Variants in BPTF observed in about 807,000 individuals in gnomAD.
BPTF encodes bromodomain PHD finger transcription factor.
BPTF carries 18 observed loss-of-function variants against 292.5 expected under a neutral mutation model. The ratio of observed to expected loss-of-function variants is 0.06; its 90% CI spans 0.04 to 0.09. The LOEUF is 0.09. Among genes scored for constraint, BPTF ranks in the 10% least tolerant of loss-of-function variants. BPTF has a pLI of 1.00. For missense variants in BPTF, 2,726 were observed against 3,498.7 expected, an observed-to-expected ratio of 0.78 and a Z score of 5.57; for synonymous variants, 1,225 against 1,251.9, an observed-to-expected ratio of 0.98 and a Z score of 0.45.
intron 4 of BPTF, among the ~76,000 whole-genome samples, chr17:67,882,295 T>C (rs535165514): frequency 3.5e-4 from 54 of 152,354 alleles, no homozygotes; most frequent in African/African-American, 1.2e-3. Flanking sequence ...CTTTTTGTTG[T>C]TGGGCTCTCA....
At chr17:67,852,117 CTCTT>C (rs1209584610) in intron 1 of BPTF, among the ~76,000 whole-genome samples, 2 of 152,134 alleles carry the variant, frequency 1.3e-5, no homozygotes, top group Admixed American at 6.6e-5. Flanking sequence ...ATGTCGTTCT[CTCTT>C]TAAACACTGT....
chr17:67,899,660 A>G lies in BPTF; in HGVS notation c.2544-4129A>G, dbSNP rs374303635. Among the ~76,000 whole-genome samples, 46 of 151,022 alleles carry G rather than the reference A, an allele frequency of 3.0e-4. No individual in the cohort carries two copies. The East Asian group carries it at 3.5e-3, about 12-fold the overall frequency. ...ATTCTCCTGCCTCAGCCTCCTGAAT[A>G]GCTGGTATTATAGGCGTGTGCCACC... On this transcript the variant is annotated intron_variant, in intron 7 of 27. Transcript: ENST00000306378.
chr17:67,877,013 CTCT>C (rs899432521), intron 4 of BPTF, among the ~76,000 whole-genome samples: 3 of 152,094 alleles, frequency 2.0e-5, no homozygotes, highest in Non-Finnish European at 4.4e-5. Flanking sequence ...ACTCATAGTT[CTCT>C]TCTTGAGTAG....
At chr17:67,902,777 C>G (rs2061933979) in intron 7 of BPTF, among the ~76,000 whole-genome samples, 1 of 152,164 alleles carries the variant, frequency 6.6e-6, no homozygotes, top group Non-Finnish European at 1.5e-5. Context: ...CCTCCCACAT[C>G]TTTTCGGCAT....
At position 67,951,710 on chromosome 17, in the gene BPTF, T is replaced by A. The variant is rs145781408; in HGVS notation, c.7926+3404T>A. On this transcript the variant is annotated intron_variant, in intron 23 of 27. Transcript: ENST00000306378. ...TATTACTTTAATGTATGTATTCATA[T>A]ATAAACCTGTTTTATACAGAAACAA... 378 of 152,278 alleles carry A rather than the reference T, an allele frequency of 2.5e-3. 1 individual carries two copies. Among genetic ancestry groups the A allele is most frequent in the African/African-American group, 8.6e-3 (359 of 41,556 alleles). 9.4% of individuals were successfully genotyped at this position (152,278 alleles called of 1,614,324 possible).
At position 67,929,434 on chromosome 17, in the gene BPTF, G is replaced by A. The variant is rs552584367; in HGVS notation, c.6097G>A (p.Val2033Ile). ...FTSFQPRTAT[V>I]TIRPNTSGSG... The stretch of plus-strand genomic sequence containing the variant: ...TTCATTCCAGCCCAGGACAGCAACA[G>A]TCACAATTAGGCCCAATACCTCAGG... The change falls in exon 17 of 28, where the codon GTC becomes ATC. Residue 2033 changes from valine (V) to isoleucine (I), a missense_variant. By Grantham distance (29) the Val-to-Ile change is conservative. Transcript: ENST00000306378. 6.2e-7 allele frequency: 1 copy of A among 1,614,132 alleles called. No homozygotes were observed. Among genetic ancestry groups the A allele is most frequent in the South Asian group, 1.1e-5 (1 of 91,086 alleles).
intron 17 of BPTF, among the ~76,000 whole-genome samples, chr17:67,931,447 C>A (rs1464743034): frequency 6.6e-6 from 1 of 152,050 alleles, no homozygotes; most frequent in Non-Finnish European, 1.5e-5. Context: ...TGCATTCCAT[C>A]TTGGGCAACA....
intron 1 of BPTF, among the ~76,000 whole-genome samples, chr17:67,830,708 T>G (rs1016179408): frequency 1.3e-5 from 2 of 152,112 alleles, no homozygotes; most frequent in African/African-American, 4.8e-5. Context: ...GTAACTCGGT[T>G]TAGCAAGAGC....
At chr17:67,886,373 T>G in intron 4 of BPTF, 1 of 1,289,752 alleles carries the variant, frequency 7.8e-7, no homozygotes, top group Non-Finnish European at 1.0e-6. Flanking sequence ...TTTTTCTTTT[T>G]TTTGTGTGTG....
chr17:67,926,563 A>C (rs1468778275), intron 15 of BPTF, among the ~76,000 whole-genome samples: 1 of 151,940 alleles, frequency 6.6e-6, no homozygotes, highest in Non-Finnish European at 1.5e-5. Context: ...TGACCTCGTG[A>C]TCCGCCTGCC....
intron 18 of BPTF, among the ~76,000 whole-genome samples, chr17:67,936,969 AG>A (rs1307166731): frequency 6.6e-6 from 1 of 152,214 alleles, no homozygotes; most frequent in Non-Finnish European, 1.5e-5. Context: ...ACAATTATTC[AG>A]TACTACCTAT....
At chr17:67,925,213 A>G (rs961860527) in intron 15 of BPTF, among the ~76,000 whole-genome samples, 7 of 152,116 alleles carry the variant, frequency 4.6e-5, no homozygotes, top group African/African-American at 1.7e-4. Context: ...TTAGAGTTTC[A>G]TAAGTAATTT....
intron 18 of BPTF, among the ~76,000 whole-genome samples, chr17:67,934,198 T>C (rs982088954): frequency 2.6e-5 from 4 of 152,038 alleles, no homozygotes; most frequent in Non-Finnish European, 4.4e-5. Flanking sequence ...AAATACTATA[T>C]TATGCTGTAA....
intron 23 of BPTF, among the ~76,000 whole-genome samples, chr17:67,958,145 T>C (rs1249714293): frequency 6.6e-6 from 1 of 152,068 alleles, no homozygotes; most frequent in Non-Finnish European, 1.5e-5. Flanking sequence ...CTGGCCAACA[T>C]GGTGAAACCC....
chr17:67,839,685 T>C (rs1452718728), intron 1 of BPTF, among the ~76,000 whole-genome samples: 6 of 152,238 alleles, frequency 3.9e-5, no homozygotes, highest in Non-Finnish European at 7.3e-5. Flanking sequence ...ACAGTGCATT[T>C]ATCCATTCAA....
At position 67,944,241 on chromosome 17, in the gene BPTF, C is replaced by G; in HGVS notation, c.6569C>G (p.Pro2190Arg). ...ATACCTCAAGGGGTGACTGTACTCC[C>G]AGGCCCAGGCCAGCAGCTAATGCAA... ...QLIPQGVTVL[P>R]GPGQQLMQAA... The change falls in exon 20 of 28, where the codon CCA (proline) becomes CGA (arginine). Residue 2190 changes from proline to arginine, a missense_variant. Pro to Arg is a moderately radical substitution (Grantham distance 103). Transcript: ENST00000306378. 1 of 1,614,138 alleles carries G rather than the reference C, an allele frequency of 6.2e-7. No homozygotes were observed. Among genetic ancestry groups the G allele is most frequent in the Non-Finnish European group, 8.5e-7 (1 of 1,180,024 alleles).
intron 4 of BPTF, among the ~76,000 whole-genome samples, chr17:67,877,402 T>A (rs1160118880): frequency 6.6e-6 from 1 of 152,250 alleles, no homozygotes; most frequent in Non-Finnish European, 1.5e-5. Context: ...TACCACTGTT[T>A]ACTACCTATG....
chr17:67,971,046 C>T (rs1266523849), intron 26 of BPTF, among the ~76,000 whole-genome samples: 1 of 151,866 alleles, frequency 6.6e-6, no homozygotes, highest in Non-Finnish European at 1.5e-5. Context: ...ACAGCTGATT[C>T]TCCCACCTCA....
chr17:67,973,102 C>T (rs1238115724), intron 26 of BPTF, among the ~76,000 whole-genome samples: 2 of 146,552 alleles, frequency 1.4e-5, no homozygotes, highest in South Asian at 4.2e-4. Context: ...AGGCCAGGCA[C>T]GGTGGCTCAC....
Sources: gnomAD v4.1 joint callset for allele counts (sites outside exome capture counted in the v4.1 genomes callset) on GRCh38, gnomAD v4.1.1 for gene constraint, MANE v1.5 for transcripts, NCBI Gene and HGNC (gene_info 2026-07-23, HGNC 2026-07-21) for gene names.